SORCS3: variants seen among roughly 807,000 people sequenced by gnomAD.
The protein encoded by SORCS3 is sortilin related VPS10 domain containing receptor 3, also known as VPS10 domain-containing receptor SorCS3.
Under a neutral mutation model 146.3 loss-of-function variants are expected in SORCS3, and 57 were observed. The observed-to-expected ratio is 0.39, with a 90% CI of 0.31 to 0.49. The LOEUF (loss-of-function observed/expected upper bound fraction) is 0.49. SORCS3 is among the 20% of genes least tolerant of loss of function. The pLI is 0.92. For synonymous variants in SORCS3, 653 were observed against 618.5 expected (o/e 1.06, Z -0.83); for missense variants, 1,341 against 1,575.5 (o/e 0.85, Z 2.52).
chr10:104,764,002 CT>C (rs58439388), intron 1 of SORCS3, among the ~76,000 whole-genome samples: 21,546 of 142,816 alleles, frequency 0.15, 1,901 homozygotes, highest in Middle Eastern at 0.28. Flanking sequence ...TCAATTAAAC[CT>C]TTTTTTTTTT....
chr10:105,096,767 C>T (rs1183347944), intron 6 of SORCS3, among the ~76,000 whole-genome samples: 2 of 152,206 alleles, frequency 1.3e-5, no homozygotes, highest in East Asian at 3.9e-4. Flanking sequence ...CATTTAGTCA[C>T]AGTGGTTATT....
At chr10:105,007,138 A>G (rs1589591049) in intron 4 of SORCS3, among the ~76,000 whole-genome samples, 1 of 152,188 alleles carries the variant, frequency 6.6e-6, no homozygotes, top group South Asian at 2.1e-4. Context: ...ATCTAGTGTT[A>G]GTGACTTCCT....
chr10:105,127,456 G>T (rs2055984199), intron 7 of SORCS3, among the ~76,000 whole-genome samples: 1 of 152,082 alleles, frequency 6.6e-6, no homozygotes, highest in Admixed American at 6.6e-5. Flanking sequence ...TTAGTACCAA[G>T]ATGACCTCAA....
intron 2 of SORCS3, among the ~76,000 whole-genome samples, chr10:104,871,624 G>A (rs180769846): frequency 2.3e-4 from 35 of 152,244 alleles, no homozygotes; most frequent in Admixed American, 1.4e-3. Context: ...TATTCTTAGC[G>A]TGCCCATCTG....
At chr10:104,644,257 G>A (rs1002545487) in intron 1 of SORCS3, among the ~76,000 whole-genome samples, 1 of 152,246 alleles carries the variant, frequency 6.6e-6, no homozygotes, top group Non-Finnish European at 1.5e-5. Context: ...TGGATGTAGG[G>A]CCACGCACTG....
intron 2 of SORCS3, among the ~76,000 whole-genome samples, chr10:104,847,321 T>C (rs376151990): frequency 1.8e-4 from 28 of 152,354 alleles, no homozygotes; most frequent in African/African-American, 6.0e-4. Flanking sequence ...ATGTTTCTGA[T>C]TGGCAGATCG....
intron 13 of SORCS3, among the ~76,000 whole-genome samples, chr10:105,177,592 G>T (rs753372030): frequency 9.9e-5 from 15 of 152,248 alleles, no homozygotes; most frequent in Non-Finnish European, 1.9e-4. Context: ...AAGTGGCACT[G>T]GGGAGGGAAA....
rs2056973331 is a variant in SORCS3 at position 105,263,401 on chromosome 10, C to T, written c.*27C>T. 4 of 1,604,788 alleles carry T rather than the reference C, an allele frequency of 2.5e-6. No homozygotes were observed. The highest frequency in any genetic ancestry group is 1.7e-5 in the Admixed American group (1 of 59,750). On this transcript the variant is annotated 3_prime_UTR_variant, in exon 27 of 27. Coordinates refer to ENST00000369701, the MANE Select transcript of SORCS3 (RefSeq NM_014978.3). Reference sequence around the variant, plus strand: ...ACCAGCAAGCCACGTGGTCAACCACCTTTCTGACTTTTTATTTTTGATGAT... The same window carrying T: ...ACCAGCAAGCCACGTGGTCAACCACTTTTCTGACTTTTTATTTTTGATGAT...
intron 1 of SORCS3, among the ~76,000 whole-genome samples, chr10:104,800,659 C>T (rs1490434344): frequency 1.3e-5 from 2 of 152,134 alleles, no homozygotes; most frequent in Admixed American, 6.6e-5. Flanking sequence ...GCTGAAAATA[C>T]AATTTATCTG....
chr10:105,122,717 G>A (rs1034088878), intron 7 of SORCS3, among the ~76,000 whole-genome samples: 1 of 152,150 alleles, frequency 6.6e-6, no homozygotes, highest in African/African-American at 2.4e-5. Flanking sequence ...TTAAGAAATT[G>A]CTAGACTCTC....
At chr10:105,233,027 A>G (rs1242356004) in intron 20 of SORCS3, among the ~76,000 whole-genome samples, 1 of 152,010 alleles carries the variant, frequency 6.6e-6, no homozygotes, top group Non-Finnish European at 1.5e-5. Context: ...TATAGATGTT[A>G]GTTATATCCA....
At chr10:104,991,945 A>C (rs940654677) in intron 4 of SORCS3, among the ~76,000 whole-genome samples, 1 of 152,150 alleles carries the variant, frequency 6.6e-6, no homozygotes, top group African/African-American at 2.4e-5. Flanking sequence ...CAACATGTGG[A>C]TTTGTGGGGA....
chr10:104,713,441 A>C (rs1352245015), intron 1 of SORCS3, among the ~76,000 whole-genome samples: 1 of 152,094 alleles, frequency 6.6e-6, no homozygotes. Context: ...TTTTGGGTAG[A>C]TATTCTTTAC....
At chr10:104,881,316 A>G (rs1054624852) in intron 2 of SORCS3, among the ~76,000 whole-genome samples, 5 of 152,306 alleles carry the variant, frequency 3.3e-5, no homozygotes, top group East Asian at 3.9e-4. Context: ...GTGGTGTGCA[A>G]TTGTCCTCTT....
chr10:105,116,979 C>T (rs990179424), intron 7 of SORCS3, among the ~76,000 whole-genome samples: 1 of 151,970 alleles, frequency 6.6e-6, no homozygotes, highest in African/African-American at 2.4e-5. Flanking sequence ...ACACCAAATA[C>T]CCATGACATA....
At chr10:104,984,048 G>A (rs751837420) in intron 4 of SORCS3, among the ~76,000 whole-genome samples, 4 of 152,122 alleles carry the variant, frequency 2.6e-5, no homozygotes, top group Non-Finnish European at 5.9e-5. Flanking sequence ...TGCTTTTTCA[G>A]CCACTACCTT....
chr10:105,246,364 G>A (rs930211321), intron 21 of SORCS3, among the ~76,000 whole-genome samples: 1 of 151,502 alleles, frequency 6.6e-6, no homozygotes, highest in African/African-American at 2.4e-5. Flanking sequence ...TTTCTTTAAT[G>A]GTAATTGGTT....
chr10:105,082,941 G>A (rs2055635332), intron 5 of SORCS3, among the ~76,000 whole-genome samples: 1 of 152,026 alleles, frequency 6.6e-6, no homozygotes, highest in Admixed American at 6.5e-5. Flanking sequence ...TGTTGGTCAG[G>A]CTGGTCTCAA....
Position 104,935,183 on chromosome 10 carries a change from A to G in SORCS3, c.795+19251A>G, listed in dbSNP as rs1490599819. ...ATTATCCCCATTTTGCACCTGTTCA[A>G]CTGAGGCTAAGAGGTTAAAAACTTA... On this transcript the variant is annotated intron_variant, in intron 3 of 26. Transcript: ENST00000369701. 5.9e-5 allele frequency among the ~76,000 whole-genome samples: 9 copies of G among 152,292 alleles called. No homozygotes were observed. In the South Asian group the frequency reaches 1.0e-3, roughly 18 times the overall value.
Sources: gnomAD v4.1 joint callset for allele counts (sites outside exome capture counted in the v4.1 genomes callset) on GRCh38, gnomAD v4.1.1 for gene constraint, MANE v1.5 for transcripts, NCBI Gene and HGNC (gene_info 2026-07-23, HGNC 2026-07-21) for gene names.